Variants in ADCY5 observed in about 807,000 individuals in gnomAD.
ADCY5 encodes adenylate cyclase type 5.
A neutral mutation model predicts 119.7 loss-of-function variants in ADCY5; 30 were observed. The ratio of observed to expected loss-of-function variants is 0.25; its 90% CI spans 0.19 to 0.34. The LOEUF (loss-of-function observed/expected upper bound fraction) is 0.34, where lower values mean the gene tolerates loss of function less well. Ranked by LOEUF, ADCY5 falls within the 10% of genes least tolerant of loss-of-function variation. The pLI, the probability that ADCY5 is intolerant of heterozygous loss-of-function variation, is 1.00. For missense variants in ADCY5, 1,324 were observed against 1,775.2 expected, an observed-to-expected ratio of 0.75 and a Z score of 4.57; for synonymous variants, 753 against 762.2, an observed-to-expected ratio of 0.99 and a Z score of 0.20.
intron 1 of ADCY5, among the ~76,000 whole-genome samples, chr3:123,370,544 C>T (rs1943599752): frequency 6.6e-6 from 1 of 152,190 alleles, no homozygotes; most frequent in Non-Finnish European, 1.5e-5. Context: ...AGATAGGCTC[C>T]AAACCCAGCT....
At chr3:123,310,369 G>A (rs1239565018) in intron 12 of ADCY5, among the ~76,000 whole-genome samples, 1 of 152,140 alleles carries the variant, frequency 6.6e-6, no homozygotes, top group African/African-American at 2.4e-5. Context: ...GAGCTCCAGG[G>A]AGTCCAGTGG....
intron 16 of ADCY5, among the ~76,000 whole-genome samples, chr3:123,296,427 G>A (rs1340960193): frequency 3.3e-5 from 5 of 152,138 alleles, no homozygotes; most frequent in Non-Finnish European, 5.9e-5. Flanking sequence ...GCTTGCACCT[G>A]CAGCTCAGGC....
At chr3:123,402,746 G>T (rs867311903) in intron 1 of ADCY5, among the ~76,000 whole-genome samples, 1 of 151,830 alleles carries the variant, frequency 6.6e-6, no homozygotes, top group East Asian at 1.9e-4. Flanking sequence ...CCAGCTACTC[G>T]GGAGGCAGAG....
chr3:123,355,068 T>C, intron 1 of ADCY5, among the ~76,000 whole-genome samples: 1 of 152,256 alleles, frequency 6.6e-6, no homozygotes, highest in East Asian at 1.9e-4. Flanking sequence ...TTCCCTCTCG[T>C]CACTCCTATT....
chr3:123,297,532 AT>A, intron 15 of ADCY5, 150 bp from the exon 16 acceptor site: 1 of 898,918 alleles, frequency 1.1e-6, no homozygotes, highest in South Asian at 1.4e-5. Flanking sequence ...ATCCAACGAC[AT>A]TTTCAGGGTG....
intron 2 of ADCY5, among the ~76,000 whole-genome samples, chr3:123,349,895 C>T (rs139712200): frequency 5.3e-4 from 81 of 152,072 alleles, no homozygotes; most frequent in Middle Eastern, 3.4e-3. Flanking sequence ...TCCTAAAATA[C>T]ACCAGACCAT....
chr3:123,324,182 G>A (rs978568218), intron 8 of ADCY5, among the ~76,000 whole-genome samples: 4 of 152,034 alleles, frequency 2.6e-5, no homozygotes, highest in African/African-American at 9.7e-5. Context: ...CCTTAAGCTC[G>A]TATCATCTGC....
rs118042802 is a variant in ADCY5 at position 123,393,633 on chromosome 3, G to A, written c.1135-41052C>T. Among the ~76,000 whole-genome samples the A allele has an allele frequency of 1.3e-3, 189 of 150,882 alleles. 2 individuals carry two copies. The East Asian group carries it at 0.034, about 27-fold the overall frequency. On this transcript the variant is annotated intron_variant, in intron 1 of 20. Transcript: ENST00000462833. Reference sequence around the variant, plus strand: ...GGGTGTGAGGGACAGCGTCACATGCGAAAGAGATAACATGTGCAAAGTGCC... The same window carrying A: ...GGGTGTGAGGGACAGCGTCACATGCAAAAGAGATAACATGTGCAAAGTGCC...
intron 10 of ADCY5, 84 bp downstream of exon 10, chr3:123,319,590 T>C (rs1941105175): frequency 2.6e-6 from 4 of 1,539,014 alleles, no homozygotes; most frequent in South Asian, 1.2e-5. Context: ...GCTGGGGGCA[T>C]GAGGGAGCCC....
At chr3:123,385,291 ACG>A (rs201914242) in intron 1 of ADCY5, among the ~76,000 whole-genome samples, 11 of 148,634 alleles carry the variant, frequency 7.4e-5, no homozygotes, top group East Asian at 4.2e-4. Flanking sequence ...GCAGACACAC[ACG>A]CACACACACA....
At chr3:123,387,710 A>C (rs1341165878) in intron 1 of ADCY5, among the ~76,000 whole-genome samples, 2 of 152,216 alleles carry the variant, frequency 1.3e-5, no homozygotes, top group Non-Finnish European at 2.9e-5. Flanking sequence ...CTTTCAACAC[A>C]ACATTAATTA....
chr3:123,438,253 AC>A (rs1945659181), intron 1 of ADCY5, among the ~76,000 whole-genome samples: 2 of 151,970 alleles, frequency 1.3e-5, no homozygotes, highest in African/African-American at 4.8e-5. Context: ...TCGTGCCATA[AC>A]CCCCTCTTGG....
chr3:123,406,452 C>A (rs1944903776), intron 1 of ADCY5, among the ~76,000 whole-genome samples: 1 of 152,346 alleles, frequency 6.6e-6, no homozygotes, highest in South Asian at 2.1e-4. Flanking sequence ...CCACACCATA[C>A]CTGAACAATA....
At chr3:123,332,840 G>T (rs980805972) in intron 3 of ADCY5, among the ~76,000 whole-genome samples, 165 bp from the exon 4 acceptor site, 12 of 151,572 alleles carry the variant, frequency 7.9e-5, no homozygotes, top group African/African-American at 2.2e-4. Flanking sequence ...CTGCAGCCTC[G>T]ACTTCTTGGG....
At chr3:123,373,524 T>G (rs1412601474) in intron 1 of ADCY5, among the ~76,000 whole-genome samples, 1 of 151,996 alleles carries the variant, frequency 6.6e-6, no homozygotes, top group African/African-American at 2.4e-5. Context: ...ATCCATAGGG[T>G]CTCACAGAAA....
intron 2 of ADCY5, among the ~76,000 whole-genome samples, chr3:123,348,162 G>A (rs948522191): frequency 2.3e-4 from 35 of 151,762 alleles, no homozygotes; most frequent in African/African-American, 8.0e-4. Flanking sequence ...CACATTTCTC[G>A]GGCAAAAGCG....
At chr3:123,396,409 AAGAG>A (rs1224922466) in intron 1 of ADCY5, among the ~76,000 whole-genome samples, 68 of 107,976 alleles carry the variant, frequency 6.3e-4, no homozygotes, top group East Asian at 1.4e-3. Flanking sequence ...AAGAAAGAGA[AAGAG>A]AGAGAGAGGG....
At position 123,448,361 on chromosome 3, in the gene ADCY5, G is replaced by A. The variant is rs1945868860; in HGVS notation, c.185C>T (p.Thr62Ile). The change falls in exon 1 of 21, where the codon ACC becomes ATC. Residue 62 changes from threonine (T) to isoleucine (I), a missense_variant. Around this residue, in one of 6 missense-constraint regions of ADCY5, gnomAD observed 585 missense variants for 569.9 expected, o/e 1.03. Coordinates refer to ENST00000462833, the MANE Select transcript of ADCY5 (RefSeq NM_183357.3). Reference sequence around the variant, plus strand: ...GGCCAGGCGCTGCTGCTGCTGCGGGGTCACCGCCCCCCCGGGTTTCTTGGT... The same window carrying A: ...GGCCAGGCGCTGCTGCTGCTGCGGGATCACCGCCCCCCCGGGTTTCTTGGT... Reference protein sequence around the residue: ...GSTKKPGGAVTPQQQQRLASR... With the variant: ...GSTKKPGGAVIPQQQQRLASR... The A allele has an allele frequency of 2.0e-6, 3 of 1,507,206 alleles. No individual in the cohort carries two copies. The highest frequency in any genetic ancestry group is 2.8e-5 in the East Asian group (1 of 35,848). The allele number at this position is 1,507,206 out of a possible 1,614,324, so 93.4% of individuals were successfully genotyped here.
intron 1 of ADCY5, among the ~76,000 whole-genome samples, chr3:123,362,305 T>C (rs1255860068): frequency 6.6e-6 from 1 of 152,220 alleles, no homozygotes; most frequent in Non-Finnish European, 1.5e-5. Context: ...TGTCTCCACA[T>C]GCCCTGCCAA....
Sources: allele counts gnomAD v4.1 joint callset (sites outside exome capture counted in the v4.1 genomes callset), GRCh38; gene constraint gnomAD v4.1.1; regional missense constraint gnomAD v4.1.1; transcripts MANE v1.5; gene names NCBI Gene and HGNC (gene_info 2026-07-23, HGNC 2026-07-21).